ITPR1: variants seen among roughly 807,000 people sequenced by gnomAD.
The protein encoded by ITPR1 is inositol 1,4,5-trisphosphate-gated calcium channel ITPR1.
ITPR1 carries 96 observed loss-of-function variants against 318.4 expected under a neutral mutation model. The observed-to-expected ratio is 0.30, with a 90% CI of 0.26 to 0.36. The LOEUF (loss-of-function observed/expected upper bound fraction) is 0.36, where lower values mean the gene tolerates loss of function less well. Ranked by LOEUF, ITPR1 falls within the 10% of genes least tolerant of loss-of-function variation. The probability of loss-of-function intolerance (pLI) is 1.00; values close to 1 mark genes in which losing one functional copy is unlikely to be tolerated. For synonymous variants in ITPR1, 1,312 were observed against 1,289.9 expected (o/e 1.02, Z -0.37); for missense variants, 2,440 against 3,460.2 (o/e 0.71, Z 7.40).
At chr3:4,730,075 A>G (rs1166745551) in intron 42 of ITPR1, among the ~76,000 whole-genome samples, 2 of 152,044 alleles carry the variant, frequency 1.3e-5, no homozygotes, top group African/African-American at 4.8e-5. Flanking sequence ...CACTGGCTCA[A>G]ACAGAATTTT....
At chr3:4,593,882 TG>T (rs1353468740) in intron 4 of ITPR1, among the ~76,000 whole-genome samples, 1 of 152,206 alleles carries the variant, frequency 6.6e-6, no homozygotes, top group African/African-American at 2.4e-5. Flanking sequence ...CCTTTATTCT[TG>T]GCAATGAGAG....
intron 4 of ITPR1, chr3:4,596,208 C>A (rs2125074533): frequency 6.6e-6 from 1 of 152,230 alleles, no homozygotes; most frequent in South Asian, 2.1e-4. Context: ...GCGAAATTTC[C>A]TGATGAGCCA....
intron 46 of ITPR1, among the ~76,000 whole-genome samples, chr3:4,772,895 G>A (rs1450713089): frequency 2.0e-5 from 3 of 152,240 alleles, no homozygotes; most frequent in African/African-American, 7.2e-5. Flanking sequence ...TCAGGAATGG[G>A]CAGCCATTGT....
intron 44 of ITPR1, chr3:4,750,939 T>G (rs1201849724): frequency 1.1e-4 from 17 of 152,942 alleles, no homozygotes; most frequent in Non-Finnish European, 2.5e-4. Context: ...CATGATTTTT[T>G]TATTACCAAT....
chr3:4,560,766 C>A (rs556567182), intron 4 of ITPR1, among the ~76,000 whole-genome samples: 1 of 152,170 alleles, frequency 6.6e-6, no homozygotes, highest in Non-Finnish European at 1.5e-5. Context: ...AATCTATCCC[C>A]AAGGTCTCAT....
At chr3:4,614,355 G>T (rs1354103544) in intron 4 of ITPR1, among the ~76,000 whole-genome samples, 1 of 152,248 alleles carries the variant, frequency 6.6e-6, no homozygotes, top group East Asian at 1.9e-4. Flanking sequence ...CAGCGTTGCA[G>T]TGTAACGTGG....
chr3:4,746,954 G>A (rs1359589094), intron 44 of ITPR1, among the ~76,000 whole-genome samples: 2 of 152,304 alleles, frequency 1.3e-5, no homozygotes, highest in East Asian at 3.9e-4. Context: ...TAGAAGTTCT[G>A]ACCCAGTGTG....
intron 59 of ITPR1, among the ~76,000 whole-genome samples, chr3:4,815,812 T>C (rs2049258408): frequency 6.6e-6 from 1 of 152,068 alleles, no homozygotes; most frequent in Non-Finnish European, 1.5e-5. Flanking sequence ...AAAAAAAAGA[T>C]CAGTTTCCAA....
intron 17 of ITPR1, among the ~76,000 whole-genome samples, 191 bp downstream of exon 17, chr3:4,665,487 T>C (rs902763224): frequency 1.5e-4 from 23 of 152,236 alleles, no homozygotes; most frequent in African/African-American, 5.1e-4. Context: ...AGAAACGTAC[T>C]GGAGAATTCT....
chr3:4,662,472 C>T (rs964843572), intron 15 of ITPR1, among the ~76,000 whole-genome samples: 7 of 152,148 alleles, frequency 4.6e-5, no homozygotes, highest in African/African-American at 1.7e-4. Context: ...CCTGTAATCC[C>T]AGGACTTTGG....
At chr3:4,589,060 G>A (rs935202232) in intron 4 of ITPR1, among the ~76,000 whole-genome samples, 1 of 152,136 alleles carries the variant, frequency 6.6e-6, no homozygotes, top group African/African-American at 2.4e-5. Flanking sequence ...ATGGTGGCGT[G>A]CACCTGTGCT....
At position 4,642,241 on chromosome 3, in the gene ITPR1, T is replaced by C. The variant is rs146177759; in HGVS notation, c.515T>C (p.Ile172Thr). The change falls in exon 7 of 62, where the codon ATT becomes ACT. Residue 172 changes from isoleucine to threonine, a missense_variant. Around this residue, in one of 23 missense-constraint regions of ITPR1, gnomAD observed 186 missense variants for 323.9 expected, o/e 0.57. Transcript: ENST00000649015. ...CAGCCATTCTACAAGCTGCGATCCA[T>C]TGGAGACAGCGTAAGTGCGGATTCT... Reference protein sequence around the residue: ...YIQPFYKLRSIGDSVVIGDKV... With the variant: ...YIQPFYKLRSTGDSVVIGDKV... 2.1e-5 allele frequency: 33 copies of C among 1,571,748 alleles called. No homozygotes were observed. Among genetic ancestry groups the C allele is most frequent in the East Asian group, 9.1e-5 (4 of 44,078 alleles).
intron 11 of ITPR1, among the ~76,000 whole-genome samples, 199 bp from the exon 12 acceptor site, chr3:4,653,643 T>C (rs1279332328): frequency 2.6e-5 from 4 of 152,228 alleles, no homozygotes; most frequent in African/African-American, 9.6e-5. Flanking sequence ...CGTCTCTTGG[T>C]GACTGGTGGA....
At chr3:4,701,531 G>T (rs1004909996) in intron 35 of ITPR1, among the ~76,000 whole-genome samples, 17 of 152,178 alleles carry the variant, frequency 1.1e-4, no homozygotes, top group African/African-American at 3.9e-4. Flanking sequence ...TTGGGTGGCT[G>T]CAGGCAATAG....
intron 2 of ITPR1, among the ~76,000 whole-genome samples, chr3:4,501,653 G>A (rs1031194550): frequency 2.0e-5 from 3 of 152,236 alleles, no homozygotes; most frequent in Non-Finnish European, 2.9e-5. Context: ...CTTATTTTCA[G>A]TGAAGTGGAA....
chr3:4,836,905 T>C lies in ITPR1; in HGVS notation c.8160T>C (p.Leu2720=). The change falls in exon 61 of 62, where the codon CTT becomes CTC. Residue 2720 remains leucine (L), a synonymous_variant. Coordinates refer to ENST00000649015, the MANE Select transcript of ITPR1 (RefSeq NM_001378452.1). ...CCACCATGAAACTTGTCACGAACCTTTCTGGCCAGCTGTCGGAATTAAAGG... is the reference window on the plus strand; with the variant it reads ...CCACCATGAAACTTGTCACGAACCTCTCTGGCCAGCTGTCGGAATTAAAGG... ...LESTMKLVTN[L]SGQLSELKDQ... The C allele has an allele frequency of 6.3e-7, 1 of 1,594,580 alleles. No homozygotes were observed. Among genetic ancestry groups the C allele is most frequent in the Non-Finnish European group, 8.6e-7 (1 of 1,166,078 alleles).
chr3:4,783,940 A>C lies in ITPR1; in HGVS notation c.6615+20A>C. On this transcript the variant is annotated intron_variant, in intron 51 of 61. Coordinates refer to ENST00000649015, the MANE Select transcript of ITPR1 (RefSeq NM_001378452.1). The stretch of plus-strand genomic sequence containing the variant: ...ATAGAGGTAAAAGCTGAGTAAACTC[A>C]GGGCATGGGGTTGTGTTGAGGCCAT... 1 of 1,550,398 alleles carries C rather than the reference A, an allele frequency of 6.4e-7. No homozygotes were observed. The highest frequency in any genetic ancestry group is 8.8e-7 in the Non-Finnish European group (1 of 1,135,162).
At chr3:4,654,266 T>G (rs1200831567) in intron 12 of ITPR1, among the ~76,000 whole-genome samples, 1 of 152,206 alleles carries the variant, frequency 6.6e-6, no homozygotes, top group Non-Finnish European at 1.5e-5. Flanking sequence ...CACAGCTTTT[T>G]CAGGGAGTAA....
In ITPR1 at chr3:4,681,622, A is replaced by AG. The variant is rs1491390120; in HGVS notation, c.3161+204_3161+205insG. On this transcript the variant is annotated intron_variant, in intron 26 of 61. Coordinates refer to ENST00000649015, the MANE Select transcript of ITPR1 (RefSeq NM_001378452.1). ...GAGAGAGTGAGAGAGAGAGAGAGAG[A>AG]AAGTGTGTGTGTGTGTGTGTGTGTG... Among the ~76,000 whole-genome samples the AG allele has an allele frequency of 1.8e-3, 93 of 51,190 alleles. No homozygotes were observed. The East Asian group carries it at 0.037, about 21-fold the overall frequency. The allele number at this position is 51,190 out of a possible 152,430, so 33.6% of individuals were successfully genotyped here.
Sources: gnomAD v4.1 joint callset for allele counts (sites outside exome capture counted in the v4.1 genomes callset) on GRCh38, gnomAD v4.1.1 for gene constraint, gnomAD v4.1.1 regional missense constraint, MANE v1.5 for transcripts, NCBI Gene and HGNC (gene_info 2026-07-23, HGNC 2026-07-21) for gene names.